Variants in DGKE observed in about 807,000 individuals in gnomAD.
DGKE encodes diacylglycerol kinase epsilon.
Under a neutral mutation model 70.0 loss-of-function variants are expected in DGKE, and 53 were observed. The observed-to-expected ratio is 0.76, with a 90% CI of 0.61 to 0.95. The LOEUF is 0.95. Among genes scored for constraint, DGKE ranks in the 40% least tolerant of loss-of-function variants. The pLI, the probability that DGKE is intolerant of heterozygous loss-of-function variation, is 0.00. For synonymous variants in DGKE, 291 were observed against 257.0 expected (o/e 1.13, Z -1.27); for missense variants, 655 against 706.9 (o/e 0.93, Z 0.83).
rs1267710605 is a variant in DGKE at position 56,865,036 on chromosome 17, T to G, written c.*2245T>G. The stretch of plus-strand genomic sequence containing the variant: ...TTAGACTTCATTTAGGGAAGCTATT[T>G]CAGAATACCATCTCATAAAATGTAT... On this transcript the variant is annotated 3_prime_UTR_variant, in exon 12 of 12. Transcript: ENST00000284061. 6.6e-6 allele frequency: 1 copy of G among 152,166 alleles called. No individual in the cohort carries two copies. The highest frequency in any genetic ancestry group is 2.4e-5 in the African/African-American group (1 of 41,434). 9.4% of individuals were successfully genotyped at this position (152,166 alleles called of 1,614,324 possible).
chr17:56,835,926 A>G (rs1035100427), intron 2 of DGKE: 1 of 152,266 alleles, frequency 6.6e-6, no homozygotes, highest in Non-Finnish European at 1.5e-5. Context: ...ATAGGTGAAG[A>G]TGTCCTTTGC....
chr17:56,861,973 C>T, intron 10 of DGKE, 55 bp downstream of exon 10: 1 of 1,553,540 alleles, frequency 6.4e-7, no homozygotes, highest in Non-Finnish European at 8.7e-7. Flanking sequence ...AAAGCAATCT[C>T]TTGTTTATAG....
rs573412556 is a variant in DGKE at position 56,838,243 on chromosome 17, C to T, written c.464+2984C>T. ...GGCAGTTAGATTGGCCTCAGTGTAA[C>T]TAGTCTCAGCTTTGATCATAAATTT... On this transcript the variant is annotated intron_variant, in intron 2 of 11. Coordinates refer to ENST00000284061, the MANE Select transcript of DGKE (RefSeq NM_003647.3). Among the ~76,000 whole-genome samples, 4 of 152,320 alleles carry T rather than the reference C, an allele frequency of 2.6e-5. No individual in the cohort carries two copies. The South Asian group carries it at 8.3e-4, about 32-fold the overall frequency.
chr17:56,834,752 G>C, intron 1 of DGKE, 26 bp from the exon 2 acceptor site: 1 of 1,535,828 alleles, frequency 6.5e-7, no homozygotes, highest in Non-Finnish European at 8.8e-7. Flanking sequence ...AGCTCGGGGT[G>C]CACCGCCTGT....
chr17:56,849,391 G>T (rs549322073), intron 7 of DGKE, among the ~76,000 whole-genome samples, 159 bp downstream of exon 7: 1 of 152,208 alleles, frequency 6.6e-6, no homozygotes, highest in Non-Finnish European at 1.5e-5. Context: ...GACTGTAAAT[G>T]TGTTATGGGA....
intron 6 of DGKE, 131 bp from the exon 7 acceptor site, chr17:56,849,050 A>G: frequency 8.4e-7 from 1 of 1,185,590 alleles, no homozygotes; most frequent in African/African-American, 1.5e-5. Flanking sequence ...CTTATCCCTA[A>G]ATTTGCATGC....
chr17:56,835,402 G>A, intron 2 of DGKE, 143 bp downstream of exon 2: 3 of 889,418 alleles, frequency 3.4e-6, no homozygotes, highest in Non-Finnish European at 5.0e-6. Context: ...ACATCCCTGA[G>A]TTTGTGCAAG....
At position 56,845,826 on chromosome 17, in the gene DGKE, A is replaced by T. The variant is rs375002513; in HGVS notation, c.744+17A>T. 101 of 1,567,058 alleles carry T rather than the reference A, an allele frequency of 6.4e-5. No homozygotes were observed. The African/African-American group carries it at 1.2e-3, about 19-fold the overall frequency. On this transcript the variant is annotated intron_variant, in intron 4 of 11. Coordinates refer to ENST00000284061, the MANE Select transcript of DGKE (RefSeq NM_003647.3). ...CCAGTCCAGGTAACTAAAGAAAAAA[A>T]CTTTTTATATTAATGTTTTCATTTT...
chr17:56,860,194 A>G (rs980966368), intron 9 of DGKE, among the ~76,000 whole-genome samples: 1 of 152,244 alleles, frequency 6.6e-6, no homozygotes, highest in Non-Finnish European at 1.5e-5. Context: ...TACTGGAGGT[A>G]GACAGTGATA....
At chr17:56,859,580 C>T (rs192164034) in intron 9 of DGKE, among the ~76,000 whole-genome samples, 5 of 151,700 alleles carry the variant, frequency 3.3e-5, no homozygotes, top group African/African-American at 7.3e-5. Flanking sequence ...CCACTACGCC[C>T]GGCTAATTTT....
chr17:56,847,816 C>G lies in DGKE; in HGVS notation c.745-106C>G, dbSNP rs140895194. Reference sequence around the variant, plus strand: ...GGCATATTGTTAAATACATAGTAGCCAGTAATGTTATTTAACTGTATCTCT... The same window carrying G: ...GGCATATTGTTAAATACATAGTAGCGAGTAATGTTATTTAACTGTATCTCT... On this transcript the variant is annotated intron_variant, in intron 4 of 11. Coordinates refer to ENST00000284061, the MANE Select transcript of DGKE (RefSeq NM_003647.3). 74 of 725,952 alleles carry G rather than the reference C, an allele frequency of 1.0e-4. No homozygotes were observed. In the African/African-American group the frequency reaches 1.3e-3, roughly 13 times the overall value. 45.0% of individuals were successfully genotyped at this position (725,952 alleles called of 1,614,324 possible). A position where few individuals can be genotyped will look rare whatever the true frequency, so the allele number is the denominator to read the frequency against.
chr17:56,859,612 G>A (rs1908170615), intron 9 of DGKE, among the ~76,000 whole-genome samples: 1 of 151,868 alleles, frequency 6.6e-6, no homozygotes, highest in African/African-American at 2.4e-5. Context: ...GTAGAGACGG[G>A]GTTTCACGTG....
At position 56,862,854 on chromosome 17, in the gene DGKE, AAGT is replaced by A; in HGVS notation, c.*65_*67del. On this transcript the variant is annotated 3_prime_UTR_variant, in exon 12 of 12. Coordinates refer to ENST00000284061, the MANE Select transcript of DGKE (RefSeq NM_003647.3). The stretch of plus-strand genomic sequence containing the variant: ...CGCAAGTAGATACATGTTCATCCAA[AAGT>A]ATTAATAGAAATTCTCTATCAGCTA... The A allele has an allele frequency of 7.5e-7, 1 of 1,330,374 alleles. No individual in the cohort carries two copies. The highest frequency in any genetic ancestry group is 1.5e-5 in the African/African-American group (1 of 65,768). The allele number at this position is 1,330,374 out of a possible 1,614,324, so 82.4% of individuals were successfully genotyped here.
intron 11 of DGKE, 72 bp from the exon 12 acceptor site, chr17:56,862,540 G>T: frequency 1.5e-6 from 2 of 1,297,920 alleles, no homozygotes; most frequent in South Asian, 1.7e-5. Flanking sequence ...GATTGTGGAT[G>T]GTATTATTAA....
chr17:56,848,987 A>T, intron 6 of DGKE, 134 bp downstream of exon 6: 1 of 1,323,968 alleles, frequency 7.6e-7, no homozygotes, highest in Non-Finnish European at 1.0e-6. Context: ...CTACACAGAT[A>T]CTGGTGTTTT....
intron 2 of DGKE, chr17:56,836,264 T>C (rs973959777): frequency 6.6e-6 from 1 of 152,226 alleles, no homozygotes; most frequent in Non-Finnish European, 1.5e-5. Context: ...ATAATGTCAA[T>C]ACCTGTTTTT....
rs1473015355 is a variant in DGKE at position 56,865,366 on chromosome 17, T to C, written c.*2575T>C. 1 of 152,182 alleles carries C rather than the reference T, an allele frequency of 6.6e-6. No homozygotes were observed. Among genetic ancestry groups the C allele is most frequent in the African/African-American group, 2.4e-5 (1 of 41,448 alleles). The allele number at this position is 152,182 out of a possible 1,614,324, so 9.4% of individuals were successfully genotyped here. On this transcript the variant is annotated 3_prime_UTR_variant, in exon 12 of 12. Transcript: ENST00000284061. Reference sequence around the variant, plus strand: ...TGTCTGTTTCCAGATTTCTCTAATCTTTTTACTATCCCAATACATTCCTAA... The same window carrying C: ...TGTCTGTTTCCAGATTTCTCTAATCCTTTTACTATCCCAATACATTCCTAA...
intron 2 of DGKE, among the ~76,000 whole-genome samples, chr17:56,842,526 G>A (rs1191059927): frequency 2.0e-5 from 3 of 152,154 alleles, no homozygotes; most frequent in Admixed American, 2.0e-4. Flanking sequence ...GTCTATTATA[G>A]TTTCTCAAGT....
chr17:56,849,323 T>C, intron 7 of DGKE, 91 bp downstream of exon 7: 2 of 1,179,458 alleles, frequency 1.7e-6, no homozygotes, highest in Admixed American at 2.2e-5. Context: ...CTGGTGCTTA[T>C]CTCAAGGGAG....
Sources: allele counts gnomAD v4.1 joint callset (sites outside exome capture counted in the v4.1 genomes callset), GRCh38; gene constraint gnomAD v4.1.1; transcripts MANE v1.5; gene names NCBI Gene and HGNC (gene_info 2026-07-23, HGNC 2026-07-21).